Variants in SERINC1 observed in about 807,000 individuals in gnomAD.
SERINC1 encodes tumor differentially expressed protein 2.
In SERINC1, 38 loss-of-function variants were observed where a neutral mutation model predicts 52.9. That is an observed-to-expected ratio of 0.72 (90% CI 0.55 to 0.94). The LOEUF is 0.94. Ranked by LOEUF, SERINC1 falls within the 40% of genes least tolerant of loss-of-function variation. The probability of loss-of-function intolerance (pLI) is 0.00; values close to 1 mark genes in which losing one functional copy is unlikely to be tolerated. For synonymous variants in SERINC1, 198 were observed against 183.1 expected (o/e 1.08, Z -0.66); for missense variants, 471 against 533.9 (o/e 0.88, Z 1.16).
At position 122,443,908 on chromosome 6, in the gene SERINC1, G is replaced by C. The variant is rs1213973201; in HGVS notation, c.*1136C>G. The C allele has an allele frequency of 6.6e-6, 1 of 152,128 alleles. No homozygotes were observed. Among genetic ancestry groups the C allele is most frequent in the South Asian group, 2.1e-4 (1 of 4,826 alleles). The allele number at this position is 152,128 out of a possible 1,614,324, so 9.4% of individuals were successfully genotyped here. On this transcript the variant is annotated 3_prime_UTR_variant, in exon 10 of 10. Transcript: ENST00000339697. ...TCAGTGTCTTCATTTTTTTAAATGAGAGAACTGGACTAGATTTTATATAAG... is the reference window on the plus strand; with the variant it reads ...TCAGTGTCTTCATTTTTTTAAATGACAGAACTGGACTAGATTTTATATAAG...
chr6:122,465,386 C>T (rs1775170724), intron 1 of SERINC1, among the ~76,000 whole-genome samples: 1 of 152,080 alleles, frequency 6.6e-6, no homozygotes, highest in Admixed American at 6.5e-5. Context: ...AAGAATAAAA[C>T]ATGAGGTTTG....
chr6:122,452,140 C>CT (rs540573333), intron 5 of SERINC1, 83 bp from the exon 6 acceptor site: 58 of 897,826 alleles, frequency 6.5e-5, no homozygotes, highest in African/African-American at 1.9e-4. Context: ...TATAAACAAT[C>CT]TGTCATTTTG....
At chr6:122,463,511 A>C (rs190877124) in intron 1 of SERINC1, among the ~76,000 whole-genome samples, 2 of 152,320 alleles carry the variant, frequency 1.3e-5, no homozygotes, top group African/African-American at 4.8e-5. Context: ...CAGTGATAAG[A>C]AAACAAACAA....
At chr6:122,461,665 A>C (rs942899563) in intron 1 of SERINC1, among the ~76,000 whole-genome samples, 1 of 152,142 alleles carries the variant, frequency 6.6e-6, no homozygotes, top group Non-Finnish European at 1.5e-5. Context: ...TAATAAAAAA[A>C]AAAAAGAATT....
chr6:122,462,610 CAAAT>C (rs758866353), intron 1 of SERINC1, among the ~76,000 whole-genome samples: 28 of 151,988 alleles, frequency 1.8e-4, no homozygotes, highest in Non-Finnish European at 3.2e-4. Flanking sequence ...CAAAACAAAA[CAAAT>C]AAAAACAATA....
In SERINC1 at chr6:122,456,501, AG is replaced by A; in HGVS notation, c.350del (p.Pro117LeufsTer39). On this transcript the variant is annotated frameshift_variant, in exon 3 of 10. Transcript: ENST00000339697. LOFTEE classifies it high-confidence loss of function. ...CTTACCCATTGTGCACTGCAGCTCT[AG>A]GATCACTGCTACTCTTCACTTTGAT... is the stretch of plus-strand genomic sequence containing the variant. Reference protein sequence around the residue: ...LMIKVKSSSDPRAAVHNGFWF... With the variant: ...LMIKVKSSSDXRAAVHNGFWF... 6.2e-7 allele frequency: 1 copy of A among 1,600,172 alleles called. No homozygotes were observed. Among genetic ancestry groups the A allele is most frequent in the Non-Finnish European group, 8.5e-7 (1 of 1,174,818 alleles).
Position 122,471,745 on chromosome 6 carries a change from A to G in SERINC1, c.-8T>C. 1.2e-6 allele frequency: 2 copies of G among 1,613,938 alleles called. No individual in the cohort carries two copies. The highest frequency in any genetic ancestry group is 1.7e-6 in the Non-Finnish European group (2 of 1,179,912). On this transcript the variant is annotated 5_prime_UTR_variant, in exon 1 of 10. Transcript: ENST00000339697. ...CCCCAGGACGCTCCCCATCTCCACA[A>G]CGTCACAAGAGCAGCGGATACAGAC...
At chr6:122,453,448 CT>C (rs774896651) in intron 5 of SERINC1, among the ~76,000 whole-genome samples, 8 of 152,034 alleles carry the variant, frequency 5.3e-5, no homozygotes, top group Admixed American at 3.3e-4. Context: ...TAATATTTTG[CT>C]TTTAACCCAT....
intron 1 of SERINC1, among the ~76,000 whole-genome samples, chr6:122,460,394 C>G (rs1437484953): frequency 6.6e-6 from 1 of 152,112 alleles, no homozygotes; most frequent in Non-Finnish European, 1.5e-5. Flanking sequence ...TTATTTCTGC[C>G]TAGGGAGAAT....
intron 1 of SERINC1, among the ~76,000 whole-genome samples, chr6:122,467,535 G>A (rs1449652211): frequency 6.6e-6 from 1 of 152,112 alleles, no homozygotes; most frequent in Non-Finnish European, 1.5e-5. Flanking sequence ...GAACCCGGAA[G>A]GTTCAAAGTC....
Position 122,444,767 on chromosome 6 carries a change from C to A in SERINC1, c.*277G>T, listed in dbSNP as rs1042646079. The stretch of plus-strand genomic sequence containing the variant: ...GTCAAACAAATTTGTTTTTACTCTT[C>A]ATTTCACAACTATAGAGCAGAGAAT... On this transcript the variant is annotated 3_prime_UTR_variant, in exon 10 of 10. Transcript: ENST00000339697. 5.3e-5 allele frequency: 16 copies of A among 302,642 alleles called. No individual in the cohort carries two copies. Among genetic ancestry groups the A allele is most frequent in the Non-Finnish European group, 9.7e-5 (16 of 165,530 alleles). 18.7% of individuals were successfully genotyped at this position (302,642 alleles called of 1,614,324 possible). A position where few individuals can be genotyped will look rare whatever the true frequency, so the allele number is the denominator to read the frequency against.
At chr6:122,445,410 T>C (rs1233254120) in intron 9 of SERINC1, among the ~76,000 whole-genome samples, 1 of 152,178 alleles carries the variant, frequency 6.6e-6, no homozygotes, top group South Asian at 2.1e-4. Flanking sequence ...ATAGTTATTT[T>C]GCATAATCTC....
At chr6:122,446,531 T>C (rs947279658) in intron 9 of SERINC1, among the ~76,000 whole-genome samples, 2 of 152,220 alleles carry the variant, frequency 1.3e-5, no homozygotes, top group African/African-American at 4.8e-5. Flanking sequence ...TAAAAAGTAT[T>C]AGTTTCATGA....
chr6:122,444,466 A>T lies in SERINC1; in HGVS notation c.*578T>A, dbSNP rs2114470878. ...AGGCCATCTCTACCCAAGTAAGATT[A>T]TTTACTCGTTATTCAATTTAGTACC... is the stretch of plus-strand genomic sequence containing the variant. On this transcript the variant is annotated 3_prime_UTR_variant, in exon 10 of 10. Coordinates refer to ENST00000339697, the MANE Select transcript of SERINC1 (RefSeq NM_020755.4). 1 of 152,386 alleles carries T rather than the reference A, an allele frequency of 6.6e-6. No individual in the cohort carries two copies. Among genetic ancestry groups the T allele is most frequent in the East Asian group, 1.9e-4 (1 of 5,182 alleles). The allele number at this position is 152,386 out of a possible 1,614,324, so 9.4% of individuals were successfully genotyped here. A position where few individuals can be genotyped will look rare whatever the true frequency, so the allele number is the denominator to read the frequency against.
chr6:122,449,719 T>C (rs533202291), intron 7 of SERINC1, among the ~76,000 whole-genome samples: 1 of 152,300 alleles, frequency 6.6e-6, no homozygotes, highest in East Asian at 1.9e-4. Flanking sequence ...ACAAAATTAA[T>C]GAAAGTAGCT....
chr6:122,471,184 G>A (rs895985877), intron 1 of SERINC1, among the ~76,000 whole-genome samples: 2 of 151,834 alleles, frequency 1.3e-5, no homozygotes, highest in African/African-American at 2.4e-5. Context: ...TTACTGCCAG[G>A]CGGTTCCAAA....
At chr6:122,458,469 C>T (rs960065037) in intron 2 of SERINC1, 51 bp downstream of exon 2, 1 of 1,271,874 alleles carries the variant, frequency 7.9e-7, no homozygotes, top group South Asian at 1.3e-5. Context: ...TATACATATA[C>T]ATATATACCC....
rs2114480198 is a variant in SERINC1 at position 122,453,864 on chromosome 6, G to A, written c.495C>T (p.Leu165=). The change falls in exon 5 of 10, where the codon CTC becomes CTT. Residue 165 remains leucine (L), a synonymous_variant. Coordinates refer to ENST00000339697, the MANE Select transcript of SERINC1 (RefSeq NM_020755.4). Reference sequence around the variant, plus strand: ...AATCAATAAGTAAGACTAGTTGTATGAGGATGAAACAAAAGGCACCTGCCA... The same window carrying A: ...AATCAATAAGTAAGACTAGTTGTATAAGGATGAAACAAAAGGCACCTGCCA... ...VGMAGAFCFI[L]IQLVLLIDFA... 1 of 1,606,140 alleles carries A rather than the reference G, an allele frequency of 6.2e-7. No individual in the cohort carries two copies. Among genetic ancestry groups the A allele is most frequent in the Non-Finnish European group, 8.5e-7 (1 of 1,174,640 alleles).
At chr6:122,470,988 A>G (rs973452015) in intron 1 of SERINC1, among the ~76,000 whole-genome samples, 2 of 151,312 alleles carry the variant, frequency 1.3e-5, no homozygotes, top group Non-Finnish European at 2.9e-5. Context: ...ATGTACAGCT[A>G]ATTAAGCATG....
Sources: gnomAD v4.1 joint callset for allele counts (sites outside exome capture counted in the v4.1 genomes callset) on GRCh38, gnomAD v4.1.1 for gene constraint, MANE v1.5 for transcripts, NCBI Gene and HGNC (gene_info 2026-07-23, HGNC 2026-07-21) for gene names.